ZNF277: variants seen among roughly 807,000 people sequenced by gnomAD.
The protein encoded by ZNF277 is nuclear receptor-interacting factor 4.
ZNF277 carries 55 observed loss-of-function variants against 60.7 expected under a neutral mutation model. The ratio of observed to expected loss-of-function variants is 0.91; its 90% CI spans 0.73 to 1.13. The LOEUF is 1.13. ZNF277 is among the 50% of genes most tolerant of loss of function. ZNF277 has a pLI of 0.00. For synonymous variants in ZNF277, 178 were observed against 179.3 expected (o/e 0.99, Z 0.06); for missense variants, 510 against 523.0 (o/e 0.98, Z 0.24).
intron 4 of ZNF277, among the ~76,000 whole-genome samples, chr7:112,310,435 C>G (rs1792695896): frequency 9.2e-6 from 1 of 108,920 alleles, no homozygotes; most frequent in African/African-American, 4.4e-5. Flanking sequence ...ACATTTAGGG[C>G]CTACCTTTAG....
intron 4 of ZNF277, among the ~76,000 whole-genome samples, chr7:112,297,024 C>T (rs1483725308): frequency 4.8e-5 from 7 of 144,374 alleles, no homozygotes; most frequent in Non-Finnish European, 1.1e-4. Context: ...ACCTCCTGGG[C>T]TCACACCATT....
chr7:112,285,372 A>T (rs555584781), intron 1 of ZNF277, among the ~76,000 whole-genome samples: 1 of 151,410 alleles, frequency 6.6e-6, no homozygotes, highest in Non-Finnish European at 1.5e-5. Flanking sequence ...GACTGATTCA[A>T]TTAATTCATA....
rs1793465298 is a variant in ZNF277 at position 112,342,588 on chromosome 7, C to T, written c.1212C>T (p.Asp404=). The T allele has an allele frequency of 6.2e-7, 1 of 1,605,628 alleles. No individual in the cohort carries two copies. The highest frequency in any genetic ancestry group is 1.7e-5 in the Admixed American group (1 of 58,176). The change falls in exon 12 of 12, where the codon GAC becomes GAT. Residue 404 remains aspartate, a synonymous_variant. Transcript: ENST00000361822. ...LEYYFPTYEN[D]TLLCTLSDSE... ...ATTATTTTCCAACCTATGAAAATGA[C>T]ACTCTCCTGTGTACACTATCTGACA... is the stretch of plus-strand genomic sequence containing the variant.
At chr7:112,231,517 A>C (rs561160797) in intron 1 of ZNF277, among the ~76,000 whole-genome samples, 5 of 152,174 alleles carry the variant, frequency 3.3e-5, no homozygotes, top group African/African-American at 1.2e-4. Flanking sequence ...GAGTAGCTCC[A>C]TTATCTCTGA....
chr7:112,289,599 A>C (rs1293073338), intron 2 of ZNF277, among the ~76,000 whole-genome samples: 1 of 152,172 alleles, frequency 6.6e-6, no homozygotes, highest in African/African-American at 2.4e-5. Context: ...TATGCAACCC[A>C]GTTATATGTG....
intron 2 of ZNF277, among the ~76,000 whole-genome samples, chr7:112,290,764 C>T (rs1792188500): frequency 6.6e-6 from 1 of 152,146 alleles, no homozygotes; most frequent in African/African-American, 2.4e-5. Flanking sequence ...CTAAAAATTC[C>T]TCTCCCAAAC....
At chr7:112,340,002 C>G in intron 10 of ZNF277, 117 bp downstream of exon 10, 2 of 891,202 alleles carry the variant, frequency 2.2e-6, no homozygotes, top group Non-Finnish European at 3.6e-6. Flanking sequence ...ACATGTCTCT[C>G]TATAGATGGT....
At chr7:112,260,802 C>T (rs895644110) in intron 1 of ZNF277, among the ~76,000 whole-genome samples, 2 of 152,150 alleles carry the variant, frequency 1.3e-5, no homozygotes, top group African/African-American at 2.4e-5. Flanking sequence ...AATAGTTGGG[C>T]CTACTCTAGT....
At chr7:112,221,119 G>A (rs567094134) in intron 1 of ZNF277, among the ~76,000 whole-genome samples, 16 of 152,296 alleles carry the variant, frequency 1.1e-4, no homozygotes, top group Non-Finnish European at 1.5e-4. Flanking sequence ...CTGGGCTCCT[G>A]ATCCAGCGAG....
chr7:112,253,301 A>G (rs1360158079), intron 1 of ZNF277, among the ~76,000 whole-genome samples: 1 of 152,208 alleles, frequency 6.6e-6, no homozygotes, highest in Non-Finnish European at 1.5e-5. Flanking sequence ...ATTTGGAGAA[A>G]CTTCCATGGA....
chr7:112,304,499 T>C (rs1165082568), intron 4 of ZNF277, among the ~76,000 whole-genome samples: 1 of 152,172 alleles, frequency 6.6e-6, no homozygotes, highest in Non-Finnish European at 1.5e-5. Context: ...CTGAAAGTTG[T>C]TGAAGCTATA....
At chr7:112,209,025 A>G (rs1451094575) in intron 1 of ZNF277, among the ~76,000 whole-genome samples, 1 of 152,166 alleles carries the variant, frequency 6.6e-6, no homozygotes, top group East Asian at 1.9e-4. Context: ...ATATAAACTG[A>G]AAGATCTGCA....
At chr7:112,257,348 C>T (rs370634221) in intron 1 of ZNF277, among the ~76,000 whole-genome samples, 2 of 151,620 alleles carry the variant, frequency 1.3e-5, no homozygotes, top group East Asian at 3.8e-4. Context: ...CTTCATCAAA[C>T]TTAAAAACTG....
chr7:112,337,034 T>C (rs775531607), intron 8 of ZNF277, among the ~76,000 whole-genome samples: 14 of 152,192 alleles, frequency 9.2e-5, no homozygotes, highest in Non-Finnish European at 1.6e-4. Flanking sequence ...TTATCAGTGA[T>C]CATTTCTGAG....
intron 5 of ZNF277, among the ~76,000 whole-genome samples, chr7:112,321,168 G>T (rs535400427): frequency 6.6e-6 from 1 of 151,652 alleles, no homozygotes; most frequent in African/African-American, 2.4e-5. Context: ...TGATCCCCCC[G>T]CCTCAGCCTC....
chr7:112,245,599 G>T (rs1462727837), intron 1 of ZNF277, among the ~76,000 whole-genome samples: 1 of 152,114 alleles, frequency 6.6e-6, no homozygotes, highest in Admixed American at 6.5e-5. Flanking sequence ...CGACTGTGAG[G>T]GAGAATAAGT....
chr7:112,210,234 T>C (rs1392093016), intron 1 of ZNF277, among the ~76,000 whole-genome samples: 3 of 152,144 alleles, frequency 2.0e-5, no homozygotes, highest in African/African-American at 7.2e-5. Context: ...CTGATTAAAA[T>C]GTTAGTCTGT....
intron 1 of ZNF277, among the ~76,000 whole-genome samples, chr7:112,269,524 A>G (rs1477328656): frequency 6.6e-6 from 1 of 152,142 alleles, no homozygotes; most frequent in Non-Finnish European, 1.5e-5. Context: ...CTCATTGTTA[A>G]CATGGTTGTT....
chr7:112,304,624 T>C (rs1356588563), intron 4 of ZNF277, among the ~76,000 whole-genome samples: 1 of 152,150 alleles, frequency 6.6e-6, no homozygotes, highest in East Asian at 1.9e-4. Context: ...AATTTCCTCA[T>C]ATTGAAAGTT....
Sources: gnomAD v4.1 joint callset for allele counts (sites outside exome capture counted in the v4.1 genomes callset) on GRCh38, gnomAD v4.1.1 for gene constraint, MANE v1.5 for transcripts, NCBI Gene and HGNC (gene_info 2026-07-23, HGNC 2026-07-21) for gene names.